The following RALGAPA2 variants were observed in gnomAD, a reference collection of about 807,000 sequenced individuals.
The protein encoded by RALGAPA2 is Ral GTPase activating protein catalytic subunit alpha 2, also known as ral GTPase-activating protein subunit alpha-2.
Under a neutral mutation model 230.4 loss-of-function variants are expected in RALGAPA2, and 139 were observed. The observed-to-expected ratio is 0.60, with a 90% CI of 0.53 to 0.69. RALGAPA2 has a LOEUF of 0.69. Ranked by LOEUF, RALGAPA2 falls within the 30% of genes least tolerant of loss-of-function variation. RALGAPA2 has a pLI of 0.00. For synonymous variants in RALGAPA2, 847 were observed against 837.8 expected, an observed-to-expected ratio of 1.01 and a Z score of -0.19; for missense variants, 2,163 against 2,276.0, an observed-to-expected ratio of 0.95 and a Z score of 1.01.
chr20:20,603,882 G>A (rs73124433), intron 15 of RALGAPA2, among the ~76,000 whole-genome samples: 6,028 of 152,288 alleles, frequency 0.04, 160 homozygotes, highest in Middle Eastern at 0.078. Flanking sequence ...TATTATTAAA[G>A]GGTAGTCTAC....
chr20:20,710,702 T>C (rs1252275970), intron 1 of RALGAPA2, among the ~76,000 whole-genome samples: 1 of 152,182 alleles, frequency 6.6e-6, no homozygotes, highest in Admixed American at 6.5e-5. Context: ...TTGAAAAGAA[T>C]CAACTTTCTC....
intron 23 of RALGAPA2, among the ~76,000 whole-genome samples, chr20:20,558,948 T>C (rs2064170926): frequency 6.6e-6 from 1 of 152,122 alleles, no homozygotes; most frequent in African/African-American, 2.4e-5. Flanking sequence ...GTCTGCTTCA[T>C]GGTACTGACT....
At position 20,706,344 on chromosome 20, in the gene RALGAPA2, GA is replaced by G. The variant is rs147285319; in HGVS notation, c.106+6030del. On this transcript the variant is annotated intron_variant, in intron 1 of 39. Coordinates refer to ENST00000202677, the MANE Select transcript of RALGAPA2 (RefSeq NM_020343.4). ...TCTAGAGGTTATAAATGTAATTGAT[GA>G]AAAAACAGCAAAGGAAGCATTACGA... Among the ~76,000 whole-genome samples the G allele has an allele frequency of 6.6e-3, 1,002 of 152,260 alleles. 9 individuals carry two copies. The highest frequency in any genetic ancestry group is 0.023 in the African/African-American group (969 of 41,554).
At chr20:20,427,669 T>C (rs6046856) in intron 37 of RALGAPA2, among the ~76,000 whole-genome samples, 94,126 of 151,676 alleles carry the variant, frequency 0.62, 29,321 homozygotes, top group African/African-American at 0.69. Context: ...CGGCTTGCAA[T>C]TTGACGTGAG....
chr20:20,678,630 T>C (rs1473278632), intron 2 of RALGAPA2, among the ~76,000 whole-genome samples: 1 of 152,000 alleles, frequency 6.6e-6, no homozygotes, highest in Non-Finnish European at 1.5e-5. Context: ...CCATTAGTTA[T>C]CTCCCCCTCC....
chr20:20,468,248 T>C (rs2061462851), intron 37 of RALGAPA2, among the ~76,000 whole-genome samples: 1 of 152,230 alleles, frequency 6.6e-6, no homozygotes. Context: ...ATGTCAGAGC[T>C]GATATCAAGT....
rs577662402 is a variant in RALGAPA2, at chr20:20,626,300, A to G, written c.1233+3063T>C. On this transcript the variant is annotated intron_variant, in intron 10 of 39. Transcript: ENST00000202677. Reference sequence around the variant, plus strand: ...GTAAAACCCATTCCTCTTTTCCCAAATGTTTCTATTTCAGTATTTTAACAA... The same window carrying G: ...GTAAAACCCATTCCTCTTTTCCCAAGTGTTTCTATTTCAGTATTTTAACAA... Among the ~76,000 whole-genome samples the G allele has an allele frequency of 3.9e-5, 6 of 152,358 alleles. No individual in the cohort carries two copies. In the East Asian group the frequency reaches 9.6e-4, roughly 24 times the overall value.
At chr20:20,480,429 T>C (rs975483596) in intron 36 of RALGAPA2, among the ~76,000 whole-genome samples, 1 of 152,102 alleles carries the variant, frequency 6.6e-6, no homozygotes, top group Non-Finnish European at 1.5e-5. Flanking sequence ...ACCCCATGAG[T>C]TGGGGATGCT....
At position 20,619,288 on chromosome 20, in the gene RALGAPA2, C is replaced by G. The variant is rs765393436; in HGVS notation, c.1528G>C (p.Ala510Pro). The G allele has an allele frequency of 1.9e-6, 3 of 1,601,610 alleles. No homozygotes were observed. Among genetic ancestry groups the G allele is most frequent in the Non-Finnish European group, 2.6e-6 (3 of 1,172,230 alleles). Residue 510 changes from alanine to proline, a missense_variant, in exon 12 of 40, where the codon GCT becomes CCT. By Grantham distance (27) the Ala-to-Pro change is conservative (BLOSUM62 -1). Transcript: ENST00000202677. ...GGCCAGCCACATACCTGCAACAAAG[C>G]CTGGACGCCGGCTTTCACATTTGTA... ...ENTNVKAGVQ[A>P]LLQVFLTNSA...
intron 1 of RALGAPA2, among the ~76,000 whole-genome samples, chr20:20,711,960 G>A (rs2069890772): frequency 6.6e-6 from 1 of 151,994 alleles, no homozygotes; most frequent in African/African-American, 2.4e-5. Context: ...GGGTTCACTT[G>A]GGGTCTCGGT....
At chr20:20,466,168 T>C (rs1235663199) in intron 37 of RALGAPA2, among the ~76,000 whole-genome samples, 1 of 152,270 alleles carries the variant, frequency 6.6e-6, no homozygotes, top group East Asian at 1.9e-4. Flanking sequence ...GTGGAGAGAC[T>C]GCTGTCAGTA....
At chr20:20,471,414 A>ATTTTTTTTTT in intron 37 of RALGAPA2, 1 of 125,518 alleles carries the variant, frequency 8.0e-6, no homozygotes, top group Non-Finnish European at 1.7e-5. Context: ...GTAAAATAAG[A>ATTTTTTTTTT]TTTTTTTTTT....
At chr20:20,423,399 C>A (rs1234567210) in intron 37 of RALGAPA2, among the ~76,000 whole-genome samples, 1 of 152,120 alleles carries the variant, frequency 6.6e-6, no homozygotes, top group Non-Finnish European at 1.5e-5. Context: ...AGAGGGTGGG[C>A]AGAAGTGAAA....
chr20:20,510,395 TGAG>T (rs754942165), intron 33 of RALGAPA2, among the ~76,000 whole-genome samples: 4 of 152,118 alleles, frequency 2.6e-5, no homozygotes, highest in Admixed American at 2.6e-4. Context: ...TTTGAGTTAA[TGAG>T]TAGTAAGAAA....
rs2059621151 is a variant in RALGAPA2, at chr20:20,392,504, C to G, written c.*785G>C. The G allele has an allele frequency of 6.5e-6, 1 of 152,896 alleles. No individual in the cohort carries two copies. The highest frequency in any genetic ancestry group is 1.5e-5 in the Non-Finnish European group (1 of 68,528). The allele number at this position is 152,896 out of a possible 1,614,324, so 9.5% of individuals were successfully genotyped here. A position where few individuals can be genotyped will look rare whatever the true frequency, so the allele number is the denominator to read the frequency against. Reference sequence around the variant, plus strand: ...TGGGACACTTCCTGTCCTGCAGGAACTTATGCAAGGACAGGACCCTGTATT... The same window carrying G: ...TGGGACACTTCCTGTCCTGCAGGAAGTTATGCAAGGACAGGACCCTGTATT... On this transcript the variant is annotated 3_prime_UTR_variant, in exon 40 of 40. Coordinates refer to ENST00000202677, the MANE Select transcript of RALGAPA2 (RefSeq NM_020343.4).
chr20:20,483,663 C>A (rs1299045665), intron 36 of RALGAPA2, among the ~76,000 whole-genome samples: 1 of 152,182 alleles, frequency 6.6e-6, no homozygotes, highest in Non-Finnish European at 1.5e-5. Flanking sequence ...CCATGTGCAA[C>A]CCCCTAAATC....
At chr20:20,570,932 C>A (rs2145913842) in intron 23 of RALGAPA2, among the ~76,000 whole-genome samples, 1 of 152,322 alleles carries the variant, frequency 6.6e-6, no homozygotes, top group African/African-American at 2.4e-5. Context: ...GAAGAGGTAG[C>A]TAGTGGCTCC....
intron 23 of RALGAPA2, among the ~76,000 whole-genome samples, chr20:20,562,254 A>T (rs1428120037): frequency 6.6e-6 from 1 of 152,124 alleles, no homozygotes; most frequent in African/African-American, 2.4e-5. Context: ...GGGAAAAGAC[A>T]GAATGCACTC....
chr20:20,526,533 A>G (rs2063209449), intron 27 of RALGAPA2, among the ~76,000 whole-genome samples, 171 bp from the exon 28 acceptor site: 1 of 152,254 alleles, frequency 6.6e-6, no homozygotes, highest in Non-Finnish European at 1.5e-5. Flanking sequence ...TCGTCACATC[A>G]CCATTTTAAA....
Sources: allele counts gnomAD v4.1 joint callset (sites outside exome capture counted in the v4.1 genomes callset), GRCh38; gene constraint gnomAD v4.1.1; transcripts MANE v1.5; gene names NCBI Gene and HGNC (gene_info 2026-07-23, HGNC 2026-07-21).